Variants in CAMTA1 observed in about 807,000 individuals in gnomAD.
The protein encoded by CAMTA1 is calmodulin binding transcription activator 1.
A neutral mutation model predicts 170.9 loss-of-function variants in CAMTA1; 27 were observed. The ratio of observed to expected loss-of-function variants is 0.16; its 90% CI spans 0.12 to 0.22. CAMTA1 has a LOEUF of 0.22. Ranked by LOEUF, CAMTA1 falls within the 10% of genes least tolerant of loss-of-function variation. CAMTA1 has a pLI of 1.00. For synonymous variants in CAMTA1, 833 were observed against 891.5 expected (o/e 0.93, Z 1.17); for missense variants, 1,619 against 2,217.2 (o/e 0.73, Z 5.42).
At chr1:7,175,584 G>A (rs1650628355) in intron 4 of CAMTA1, among the ~76,000 whole-genome samples, 1 of 152,268 alleles carries the variant, frequency 6.6e-6, no homozygotes, top group Non-Finnish European at 1.5e-5. Flanking sequence ...GAATTGCGTG[G>A]GGGGCTGCAG....
chr1:7,260,279 C>T (rs1248583185), intron 5 of CAMTA1, among the ~76,000 whole-genome samples: 4 of 152,222 alleles, frequency 2.6e-5, no homozygotes, highest in Non-Finnish European at 5.9e-5. Context: ...CTCATGTTTA[C>T]AGCCGCCTGA....
chr1:6,956,422 A>G (rs1689468028), intron 3 of CAMTA1, among the ~76,000 whole-genome samples: 1 of 151,804 alleles, frequency 6.6e-6, no homozygotes, highest in Admixed American at 6.6e-5. Flanking sequence ...GTTTGTGAGT[A>G]CTCTCTTTGG....
In CAMTA1 at chr1:7,094,828, C is replaced by T. The variant is rs147734697; in HGVS notation, c.302+3457C>T. 5.5e-4 allele frequency among the ~76,000 whole-genome samples: 84 copies of T among 152,276 alleles called. No individual in the cohort carries two copies. In the East Asian group the frequency reaches 0.015, roughly 27 times the overall value. On this transcript the variant is annotated intron_variant, in intron 4 of 22. Transcript: ENST00000303635. ...ACCTCCGGTTTGAAAAATCACCCTG[C>T]GGAACGTGTTTTTTTGGCACTTGCT...
At chr1:7,660,525 G>GAC (rs748478423) in intron 7 of CAMTA1, among the ~76,000 whole-genome samples, 71 of 152,142 alleles carry the variant, frequency 4.7e-4, no homozygotes, top group Non-Finnish European at 7.9e-4. Flanking sequence ...GCAACAGAGT[G>GAC]ACACCTGTTT....
intron 3 of CAMTA1, among the ~76,000 whole-genome samples, chr1:6,904,322 C>T (rs1677793476): frequency 1.3e-5 from 2 of 152,296 alleles, no homozygotes; most frequent in Admixed American, 1.3e-4. Flanking sequence ...CCTGTCTCTC[C>T]CTCAGCCCTG....
Position 7,386,269 on chromosome 1 carries a change from G to A in CAMTA1, c.439-81561G>A, listed in dbSNP as rs577659531. 5.9e-5 allele frequency among the ~76,000 whole-genome samples: 9 copies of A among 152,354 alleles called. No homozygotes were observed. In the South Asian group the frequency reaches 8.3e-4, roughly 14 times the overall value. ...TTCGCAGGCCCAAGAGGCAGAGCTC[G>A]GTTAGCATCTTGTGCAGAGTCCCCG... On this transcript the variant is annotated intron_variant, in intron 5 of 22. Coordinates refer to ENST00000303635, the MANE Select transcript of CAMTA1 (RefSeq NM_015215.4).
intron 3 of CAMTA1, among the ~76,000 whole-genome samples, chr1:7,069,450 C>A (rs955753068): frequency 1.1e-4 from 16 of 152,178 alleles, no homozygotes; most frequent in Non-Finnish European, 1.9e-4. Context: ...AAATGGGATG[C>A]AGGGGGCCTG....
intron 4 of CAMTA1, among the ~76,000 whole-genome samples, chr1:7,213,080 C>T (rs1033666193): frequency 1.3e-5 from 2 of 152,180 alleles, no homozygotes; most frequent in Non-Finnish European, 2.9e-5. Context: ...CATTTGTGTA[C>T]AGGTTTTTGT....
At chr1:6,835,910 A>C (rs1652875016) in intron 3 of CAMTA1, among the ~76,000 whole-genome samples, 1 of 152,230 alleles carries the variant, frequency 6.6e-6, no homozygotes, top group Non-Finnish European at 1.5e-5. Flanking sequence ...GAGGGCATAT[A>C]GAAGCATATT....
At chr1:6,937,247 A>C (rs111161883) in intron 3 of CAMTA1, among the ~76,000 whole-genome samples, 1 of 63,292 alleles carries the variant, frequency 1.6e-5, no homozygotes, top group Non-Finnish European at 3.5e-5. Context: ...ATCATCACCA[A>C]CACCATCATC....
At chr1:7,747,866 T>A in intron 19 of CAMTA1, 85 bp downstream of exon 19, 1 of 752,298 alleles carries the variant, frequency 1.3e-6, no homozygotes, top group Non-Finnish European at 2.2e-6. Flanking sequence ...GAGCACTACA[T>A]CTAGTACCTC....
chr1:6,849,927 T>C (rs190677878), intron 3 of CAMTA1, among the ~76,000 whole-genome samples: 1 of 151,274 alleles, frequency 6.6e-6, no homozygotes, highest in East Asian at 2.0e-4. Context: ...CCCAGCTACT[T>C]GGCAGGCTGA....
intron 6 of CAMTA1, among the ~76,000 whole-genome samples, chr1:7,626,249 G>A (rs1329875347): frequency 6.6e-6 from 1 of 152,146 alleles, no homozygotes; most frequent in Non-Finnish European, 1.5e-5. Flanking sequence ...TGATGGACCG[G>A]GCACAATTCA....
At chr1:6,909,550 G>T (rs1557809068) in intron 3 of CAMTA1, among the ~76,000 whole-genome samples, 1 of 152,224 alleles carries the variant, frequency 6.6e-6, no homozygotes, top group Non-Finnish European at 1.5e-5. Flanking sequence ...GACACAGCAG[G>T]CGGTAGAGCT....
At chr1:7,568,984 A>G (rs567915165) in intron 6 of CAMTA1, among the ~76,000 whole-genome samples, 1 of 149,836 alleles carries the variant, frequency 6.7e-6, no homozygotes. Context: ...CACTATCACT[A>G]TCTCCATCAT....
intron 6 of CAMTA1, among the ~76,000 whole-genome samples, chr1:7,625,373 G>A (rs1435627534): frequency 6.6e-6 from 1 of 152,266 alleles, no homozygotes; most frequent in African/African-American, 2.4e-5. Flanking sequence ...TGGTGGCCAT[G>A]GAGTCACAGT....
chr1:6,798,973 C>T (rs1361900656), intron 1 of CAMTA1, among the ~76,000 whole-genome samples: 1 of 152,200 alleles, frequency 6.6e-6, no homozygotes, highest in African/African-American at 2.4e-5. Context: ...GAAGGCTTTG[C>T]ACTTCCTAGA....
intron 4 of CAMTA1, among the ~76,000 whole-genome samples, chr1:7,104,120 A>G (rs1643278479): frequency 1.8e-5 from 1 of 55,578 alleles, no homozygotes; most frequent in Non-Finnish European, 4.2e-5. Flanking sequence ...ATGTACACAC[A>G]ACACACATAA....
At chr1:6,955,460 C>T (rs555826749) in intron 3 of CAMTA1, among the ~76,000 whole-genome samples, 32 of 152,264 alleles carry the variant, frequency 2.1e-4, no homozygotes, top group African/African-American at 7.5e-4. Flanking sequence ...GGTTTGGAGT[C>T]GGGGGCTTTG....
Sources: allele counts gnomAD v4.1 joint callset (sites outside exome capture counted in the v4.1 genomes callset), GRCh38; gene constraint gnomAD v4.1.1; transcripts MANE v1.5; gene names NCBI Gene and HGNC (gene_info 2026-07-23, HGNC 2026-07-21).